Variants in ZBTB20 observed in about 807,000 individuals in gnomAD.
ZBTB20 encodes zinc finger and BTB domain-containing protein 20.
Under a neutral mutation model 56.9 loss-of-function variants are expected in ZBTB20, and 9 were observed. That is an observed-to-expected ratio of 0.16 (90% CI 0.10 to 0.28). The LOEUF (loss-of-function observed/expected upper bound fraction) is 0.28. ZBTB20 is among the 10% of genes least tolerant of loss of function. The pLI is 1.00. For synonymous variants in ZBTB20, 417 were observed against 420.7 expected (o/e 0.99, Z 0.11); for missense variants, 655 against 1,003.0 (o/e 0.65, Z 4.69).
intron 6 of ZBTB20, among the ~76,000 whole-genome samples, chr3:114,602,003 G>A (rs2056794891): frequency 6.6e-6 from 1 of 151,936 alleles, no homozygotes; most frequent in South Asian, 2.1e-4. Context: ...CCAAACCTCT[G>A]GTCTTTAGGC....
chr3:114,971,092 T>A (rs772834818), intron 3 of ZBTB20, among the ~76,000 whole-genome samples: 5 of 152,148 alleles, frequency 3.3e-5, no homozygotes, highest in Non-Finnish European at 5.9e-5. Flanking sequence ...ATTATGAGTA[T>A]CAAAACTGGG....
intron 5 of ZBTB20, among the ~76,000 whole-genome samples, chr3:114,735,256 T>C (rs929804780): frequency 6.6e-6 from 1 of 152,166 alleles, no homozygotes; most frequent in Non-Finnish European, 1.5e-5. Flanking sequence ...CATTATTCCA[T>C]ATGTTAAGTT....
chr3:114,663,087 C>T (rs867563305), intron 6 of ZBTB20, among the ~76,000 whole-genome samples: 14 of 150,508 alleles, frequency 9.3e-5, no homozygotes, highest in Admixed American at 2.7e-4. Flanking sequence ...ACACAATTGT[C>T]AGATTCACCA....
intron 5 of ZBTB20, among the ~76,000 whole-genome samples, chr3:114,749,129 C>T (rs960096218): frequency 6.6e-6 from 1 of 152,078 alleles, no homozygotes; most frequent in Non-Finnish European, 1.5e-5. Context: ...CCTCCAAAAC[C>T]AAAGGGAAAA....
At chr3:115,143,806 C>T (rs907283995) in intron 1 of ZBTB20, among the ~76,000 whole-genome samples, 3 of 152,146 alleles carry the variant, frequency 2.0e-5, no homozygotes, top group African/African-American at 7.2e-5. Context: ...ACAAAAGGTA[C>T]AAATAAGAAA....
At chr3:114,386,020 C>A (rs897927234) in intron 8 of ZBTB20, among the ~76,000 whole-genome samples, 20 of 152,168 alleles carry the variant, frequency 1.3e-4, no homozygotes, top group Non-Finnish European at 2.5e-4. Context: ...CCTGACATCT[C>A]CTTTCTGCTC....
At position 114,315,811 on chromosome 3, in the gene ZBTB20, C is replaced by G. The variant is rs2107971043; in HGVS notation, c.*23194G>C. On this transcript the variant is annotated 3_prime_UTR_variant, in exon 12 of 12. Coordinates refer to ENST00000675478, the MANE Select transcript of ZBTB20 (RefSeq NM_001348800.3). The stretch of plus-strand genomic sequence containing the variant: ...TACATGCCCAGATATCTCTTCTGTG[C>G]ACATGTATATGTTAACAGCTAGCCA... 1.3e-5 allele frequency: 2 copies of G among 152,872 alleles called. No individual in the cohort carries two copies. The highest frequency in any genetic ancestry group is 3.8e-4 in the East Asian group (2 of 5,200). The allele number at this position is 152,872 out of a possible 1,614,324, so 9.5% of individuals were successfully genotyped here. A position where few individuals can be genotyped will look rare whatever the true frequency, so the allele number is the denominator to read the frequency against.
In ZBTB20 at chr3:114,472,924, G is replaced by C. The variant is rs561257604; in HGVS notation, c.-255+27428C>G. On this transcript the variant is annotated intron_variant, in intron 7 of 11. Transcript: ENST00000675478. ...TAAAGATAAGCCCATTAAGGAAATA[G>C]CTCACCTGTTGGACTGGAATCTCAA... Among the ~76,000 whole-genome samples the C allele has an allele frequency of 3.1e-4, 47 of 152,276 alleles. 1 individual carries two copies. The South Asian group carries it at 9.1e-3, about 30-fold the overall frequency.
chr3:114,656,998 C>T (rs1474448258), intron 6 of ZBTB20, among the ~76,000 whole-genome samples: 1 of 152,100 alleles, frequency 6.6e-6, no homozygotes, highest in Non-Finnish European at 1.5e-5. Flanking sequence ...CTTTAAAGTC[C>T]TTGTCTACAA....
intron 1 of ZBTB20, among the ~76,000 whole-genome samples, chr3:115,132,784 A>C (rs2084543991): frequency 6.6e-6 from 1 of 152,032 alleles, no homozygotes; most frequent in Non-Finnish European, 1.5e-5. Context: ...GACAAAAAAA[A>C]ACCCCCAAAA....
chr3:115,066,775 C>G (rs2108497459), intron 2 of ZBTB20, among the ~76,000 whole-genome samples: 1 of 152,156 alleles, frequency 6.6e-6, no homozygotes, highest in East Asian at 1.9e-4. Flanking sequence ...CAAAAGTCTC[C>G]TCTCGGGTTT....
At chr3:114,652,633 G>A (rs950326707) in intron 6 of ZBTB20, among the ~76,000 whole-genome samples, 3 of 151,918 alleles carry the variant, frequency 2.0e-5, no homozygotes, top group Admixed American at 2.0e-4. Context: ...GGTAATGTGA[G>A]TCTTTCAACT....
intron 10 of ZBTB20, among the ~76,000 whole-genome samples, chr3:114,368,255 G>C (rs965158035): frequency 9.2e-5 from 14 of 152,180 alleles, no homozygotes; most frequent in Non-Finnish European, 4.4e-5. Context: ...GCATTCATAG[G>C]CTGAAGTTCA....
chr3:114,732,457 C>T (rs1054691414), intron 5 of ZBTB20, among the ~76,000 whole-genome samples: 2 of 152,068 alleles, frequency 1.3e-5, no homozygotes, highest in Non-Finnish European at 2.9e-5. Flanking sequence ...TCCTAGAGTC[C>T]CTGACTGTGC....
chr3:114,913,375 A>G (rs1302176880), intron 3 of ZBTB20, among the ~76,000 whole-genome samples: 1 of 152,042 alleles, frequency 6.6e-6, no homozygotes, highest in African/African-American at 2.4e-5. Flanking sequence ...TGCGATTTGT[A>G]TGTCTTCTTG....
intron 7 of ZBTB20, among the ~76,000 whole-genome samples, chr3:114,462,821 C>G (rs1412130369): frequency 1.3e-5 from 2 of 152,206 alleles, no homozygotes; most frequent in African/African-American, 4.8e-5. Context: ...CTCAACAGCT[C>G]TATATATGTG....
intron 6 of ZBTB20, among the ~76,000 whole-genome samples, chr3:114,593,629 C>T (rs750725163): frequency 5.3e-5 from 8 of 152,078 alleles, no homozygotes; most frequent in Non-Finnish European, 1.0e-4. Context: ...GGTGATCCAC[C>T]CACCTTGGCC....
intron 5 of ZBTB20, among the ~76,000 whole-genome samples, chr3:114,775,760 G>A (rs2069558061): frequency 6.6e-6 from 1 of 152,146 alleles, no homozygotes; most frequent in South Asian, 2.1e-4. Flanking sequence ...TTCCTGAATG[G>A]AGTGTGACAG....
intron 6 of ZBTB20, among the ~76,000 whole-genome samples, chr3:114,620,394 G>A (rs1480616570): frequency 6.6e-6 from 1 of 152,056 alleles, no homozygotes; most frequent in Non-Finnish European, 1.5e-5. Context: ...CTAGGTTCTA[G>A]CGATTCTCCT....
Sources: allele counts gnomAD v4.1 joint callset (sites outside exome capture counted in the v4.1 genomes callset), GRCh38; gene constraint gnomAD v4.1.1; transcripts MANE v1.5; gene names NCBI Gene and HGNC (gene_info 2026-07-23, HGNC 2026-07-21).